Variants in VPS13B observed in about 807,000 individuals in gnomAD.
VPS13B encodes intermembrane lipid transfer protein VPS13B.
VPS13B carries 285 observed loss-of-function variants against 426.4 expected under a neutral mutation model. The observed-to-expected ratio is 0.67, with a 90% CI of 0.61 to 0.74. The LOEUF (loss-of-function observed/expected upper bound fraction) is 0.74, where lower values mean the gene tolerates loss of function less well. VPS13B is among the 30% of genes least tolerant of loss of function. The probability of loss-of-function intolerance (pLI) is 0.00; values close to 1 mark genes in which losing one functional copy is unlikely to be tolerated. For missense variants in VPS13B, 4,537 were observed against 4,782.6 expected, an observed-to-expected ratio of 0.95 and a Z score of 1.51; for synonymous variants, 1,676 against 1,676.4, an observed-to-expected ratio of 1.00 and a Z score of 0.01.
chr8:99,512,824 A>G (rs1437849717), intron 29 of VPS13B, among the ~76,000 whole-genome samples: 1 of 152,182 alleles, frequency 6.6e-6, no homozygotes, highest in Non-Finnish European at 1.5e-5. Context: ...CCTGGCCAAC[A>G]TGGTGAAACC....
At position 99,481,821 on chromosome 8, in the gene VPS13B, C is replaced by T; in HGVS notation, c.3870+19C>T. 2 of 1,612,610 alleles carry T rather than the reference C, an allele frequency of 1.2e-6. No homozygotes were observed. The highest frequency in any genetic ancestry group is 1.7e-6 in the Non-Finnish European group (2 of 1,179,134). On this transcript the variant is annotated intron_variant, in intron 25 of 61. Coordinates refer to ENST00000357162, the MANE Select transcript of VPS13B (RefSeq NM_152564.5). Reference sequence around the variant, plus strand: ...TACTGAGGTAAGTGTTTTTGAAAATCCTGTTACAAAATGAAGGTTAATATA... The same window carrying T: ...TACTGAGGTAAGTGTTTTTGAAAATTCTGTTACAAAATGAAGGTTAATATA...
chr8:99,568,222 AT>A (rs1316846235), intron 31 of VPS13B, among the ~76,000 whole-genome samples: 3 of 151,994 alleles, frequency 2.0e-5, no homozygotes, highest in Non-Finnish European at 4.4e-5. Context: ...TTTGAAAGTC[AT>A]TGGATAGTGC....
At chr8:99,496,201 T>C (rs1053222647) in intron 25 of VPS13B, among the ~76,000 whole-genome samples, 4 of 152,354 alleles carry the variant, frequency 2.6e-5, no homozygotes, top group Middle Eastern at 3.4e-3. Context: ...TTATATTTTA[T>C]GAAGAACATA....
intron 13 of VPS13B, among the ~76,000 whole-genome samples, chr8:99,145,045 G>A (rs1810635046): frequency 6.6e-6 from 1 of 152,162 alleles, no homozygotes; most frequent in African/African-American, 2.4e-5. Flanking sequence ...GAGCCTTGAG[G>A]TAGGAACAGT....
chr8:99,334,772 G>T (rs1461014849), intron 19 of VPS13B, among the ~76,000 whole-genome samples: 1 of 152,074 alleles, frequency 6.6e-6, no homozygotes, highest in East Asian at 1.9e-4. Context: ...GTATTTTATT[G>T]AGGATTTTTG....
chr8:99,292,445 G>A (rs1463094592), intron 19 of VPS13B, among the ~76,000 whole-genome samples: 1 of 152,070 alleles, frequency 6.6e-6, no homozygotes, highest in Non-Finnish European at 1.5e-5. Context: ...AAAATGTTGA[G>A]CTCTTTTGTC....
At chr8:99,549,123 A>T (rs577403632) in intron 30 of VPS13B, among the ~76,000 whole-genome samples, 1 of 152,256 alleles carries the variant, frequency 6.6e-6, no homozygotes, top group South Asian at 2.1e-4. Context: ...AAGATGCAAG[A>T]ATATTTTTAT....
chr8:99,355,625 T>A (rs1812141527), intron 19 of VPS13B, among the ~76,000 whole-genome samples: 1 of 152,068 alleles, frequency 6.6e-6, no homozygotes, highest in Non-Finnish European at 1.5e-5. Flanking sequence ...AAACCCTACC[T>A]ACCTCTCTAA....
chr8:99,214,326 C>A (rs1485320387), intron 17 of VPS13B, among the ~76,000 whole-genome samples: 2 of 152,162 alleles, frequency 1.3e-5, no homozygotes, highest in Non-Finnish European at 1.5e-5. Flanking sequence ...TTGCCCTTTA[C>A]CAGAAAAAAT....
At chr8:99,832,806 A>G (rs1815154842) in intron 52 of VPS13B, among the ~76,000 whole-genome samples, 154 bp downstream of exon 52, 1 of 152,180 alleles carries the variant, frequency 6.6e-6, no homozygotes, top group African/African-American at 2.4e-5. Context: ...CAGTGGGTCA[A>G]GTGTTATAAT....
chr8:99,757,428 A>G (rs539994994), intron 39 of VPS13B, among the ~76,000 whole-genome samples: 1 of 152,184 alleles, frequency 6.6e-6, no homozygotes, highest in East Asian at 1.9e-4. Context: ...ACTCTTTATT[A>G]TGCACATATA....
At chr8:99,744,254 C>T (rs1809943072) in intron 39 of VPS13B, among the ~76,000 whole-genome samples, 1 of 152,190 alleles carries the variant, frequency 6.6e-6, no homozygotes, top group Admixed American at 6.5e-5. Context: ...AAATGCAAAT[C>T]AAAACCACAG....
At chr8:99,219,895 T>C (rs948525606) in intron 17 of VPS13B, among the ~76,000 whole-genome samples, 3 of 152,226 alleles carry the variant, frequency 2.0e-5, no homozygotes, top group African/African-American at 7.2e-5. Context: ...AAGCCTGGTA[T>C]GTTCTTGAAT....
At chr8:99,272,507 GTTAA>G (rs1818653529) in intron 17 of VPS13B, among the ~76,000 whole-genome samples, 2 of 152,224 alleles carry the variant, frequency 1.3e-5, no homozygotes, top group Middle Eastern at 3.4e-3. Flanking sequence ...ATTGATTAGA[GTTAA>G]TTGTCATTAT....
chr8:99,435,192 C>T (rs1817307389), intron 22 of VPS13B, among the ~76,000 whole-genome samples: 1 of 152,132 alleles, frequency 6.6e-6, no homozygotes, highest in East Asian at 1.9e-4. Flanking sequence ...TGTAGAAGAT[C>T]TAGTTGACAC....
chr8:99,054,859 C>T (rs976896104), intron 3 of VPS13B, among the ~76,000 whole-genome samples: 1 of 152,056 alleles, frequency 6.6e-6, no homozygotes, highest in Non-Finnish European at 1.5e-5. Flanking sequence ...ATGGTCTTGT[C>T]ACTCTTGTTG....
At chr8:99,394,379 C>A (rs576607817) in intron 21 of VPS13B, among the ~76,000 whole-genome samples, 2 of 152,262 alleles carry the variant, frequency 1.3e-5, no homozygotes, top group African/African-American at 4.8e-5. Flanking sequence ...TAGAAGCAGA[C>A]CTTTTCCTCT....
intron 3 of VPS13B, among the ~76,000 whole-genome samples, chr8:99,093,742 G>C (rs1193366627): frequency 2.0e-5 from 3 of 152,016 alleles, no homozygotes; most frequent in Non-Finnish European, 4.4e-5. Flanking sequence ...GTATTCCATG[G>C]TGTATATGTG....
chr8:99,335,807 G>C (rs976597387), intron 19 of VPS13B, among the ~76,000 whole-genome samples: 2 of 152,062 alleles, frequency 1.3e-5, no homozygotes, highest in African/African-American at 4.8e-5. Context: ...CAACTTACAA[G>C]GGTCGTGAAG....
Sources: gnomAD v4.1 joint callset for allele counts (sites outside exome capture counted in the v4.1 genomes callset) on GRCh38, gnomAD v4.1.1 for gene constraint, MANE v1.5 for transcripts, NCBI Gene and HGNC (gene_info 2026-07-23, HGNC 2026-07-21) for gene names.